Variants in VCAN observed in about 807,000 individuals in gnomAD.
VCAN encodes versican.
Under a neutral mutation model 245.5 loss-of-function variants are expected in VCAN, and 44 were observed. That is an observed-to-expected ratio of 0.18 (90% CI 0.14 to 0.23). VCAN has a LOEUF of 0.23. VCAN is among the 10% of genes least tolerant of loss of function. The probability of loss-of-function intolerance (pLI) is 1.00; values close to 1 mark genes in which losing one functional copy is unlikely to be tolerated. For synonymous variants in VCAN, 1,413 were observed against 1,437.0 expected, an observed-to-expected ratio of 0.98 and a Z score of 0.38; for missense variants, 3,793 against 4,057.9, an observed-to-expected ratio of 0.93 and a Z score of 1.77.
intron 9 of VCAN, 22 bp downstream of exon 9, chr5:83,545,672 A>G: frequency 1.3e-6 from 2 of 1,566,610 alleles, no homozygotes; most frequent in South Asian, 2.2e-5. Context: ...CTTGGCTGAA[A>G]AGGTGCAGTT....
intron 12 of VCAN, among the ~76,000 whole-genome samples, chr5:83,557,958 C>A (rs1162760096): frequency 6.6e-6 from 1 of 152,106 alleles, no homozygotes; most frequent in African/African-American, 2.4e-5. Context: ...CTGACAGACC[C>A]TCGGTTTCTT....
chr5:83,572,686 C>T (rs929087325), intron 13 of VCAN, 126 bp downstream of exon 13: 8 of 1,237,382 alleles, frequency 6.5e-6, no homozygotes, highest in East Asian at 2.5e-5. Flanking sequence ...TGTCATCTCT[C>T]GTTGCTCTGG....
chr5:83,516,176 CGGGA>C (rs1304350243), intron 6 of VCAN, among the ~76,000 whole-genome samples: 12 of 152,000 alleles, frequency 7.9e-5, no homozygotes, highest in African/African-American at 2.7e-4. Flanking sequence ...TAGTCCCAGT[CGGGA>C]GGCTGAGGCA....
intron 6 of VCAN, among the ~76,000 whole-genome samples, chr5:83,516,095 G>A (rs1164115020): frequency 3.3e-5 from 5 of 152,124 alleles, no homozygotes; most frequent in African/African-American, 9.7e-5. Context: ...AGCCGGGCAT[G>A]GTGGCGGGCG....
chr5:83,549,976 C>T (rs1211149129), intron 10 of VCAN, among the ~76,000 whole-genome samples: 1 of 152,196 alleles, frequency 6.6e-6, no homozygotes, highest in Non-Finnish European at 1.5e-5. Context: ...GTTTTCTGTT[C>T]TCTGACTAGT....
intron 8 of VCAN, 31 bp from the exon 9 acceptor site, chr5:83,545,506 A>G: frequency 6.3e-7 from 1 of 1,583,960 alleles, no homozygotes; most frequent in South Asian, 1.1e-5. Context: ...GACGAGCCTA[A>G]CTGCTTTTCT....
At chr5:83,513,736 GTACATTCCTT>G (rs1561240027) in intron 6 of VCAN, among the ~76,000 whole-genome samples, 7 of 152,166 alleles carry the variant, frequency 4.6e-5, no homozygotes, top group Non-Finnish European at 8.8e-5. Context: ...GTAGACAGAT[GTACATTCCTT>G]TAAGCTACAT....
chr5:83,581,088 C>T lies in VCAN; in HGVS notation c.*654C>T, dbSNP rs188578068. 6.5e-6 allele frequency: 1 copy of T among 153,972 alleles called. No individual in the cohort carries two copies. Among genetic ancestry groups the T allele is most frequent in the East Asian group, 1.9e-4 (1 of 5,212 alleles). The allele number at this position is 153,972 out of a possible 1,614,324, so 9.5% of individuals were successfully genotyped here. A position where few individuals can be genotyped will look rare whatever the true frequency, so the allele number is the denominator to read the frequency against. On this transcript the variant is annotated 3_prime_UTR_variant, in exon 15 of 15. Coordinates refer to ENST00000265077, the MANE Select transcript of VCAN (RefSeq NM_004385.5). ...CTGATGGAACTAAGGACTCCAATGT[C>T]GAACTCTTCTTTGCTGCATTCCTTT...
Position 83,493,540 on chromosome 5 carries a change from T to C in VCAN, c.446-6T>C, listed in dbSNP as rs1249432383. 1 of 1,613,012 alleles carries C rather than the reference T, an allele frequency of 6.2e-7. No homozygotes were observed. Among genetic ancestry groups the C allele is most frequent in the Non-Finnish European group, 8.5e-7 (1 of 1,180,014 alleles). On this transcript the variant is annotated splice_region_variant and splice_polypyrimidine_tract_variant and intron_variant, in intron 3 of 14. Transcript: ENST00000265077. ...GGCTGGCAATTGTTTGCTGTTGTTT[T>C]TGCAGGGGTTGTGTTTCACTACAGG... is the stretch of plus-strand genomic sequence containing the variant.
intron 9 of VCAN, among the ~76,000 whole-genome samples, chr5:83,546,187 A>G (rs1365994320): frequency 1.3e-5 from 2 of 151,950 alleles, no homozygotes; most frequent in East Asian, 3.9e-4. Context: ...GGTTCCAAGG[A>G]ATATAATTGA....
At chr5:83,509,316 A>G (rs1407189156) in intron 5 of VCAN, among the ~76,000 whole-genome samples, 2 of 152,236 alleles carry the variant, frequency 1.3e-5, no homozygotes, top group African/African-American at 4.8e-5. Context: ...ATTAACTACT[A>G]CTAAGAGAAT....
At chr5:83,511,681 C>T (rs553933307) in intron 5 of VCAN, among the ~76,000 whole-genome samples, 2 of 151,482 alleles carry the variant, frequency 1.3e-5, no homozygotes, top group Non-Finnish European at 2.9e-5. Flanking sequence ...GTGGAATAAC[C>T]GTGGTGGCAG....
chr5:83,545,712 T>G, intron 9 of VCAN, 62 bp downstream of exon 9: 5 of 1,261,566 alleles, frequency 4.0e-6, no homozygotes, highest in Non-Finnish European at 5.8e-6. Flanking sequence ...GGGGGAGAAT[T>G]TATGTTGTCG....
intron 2 of VCAN, among the ~76,000 whole-genome samples, chr5:83,485,404 C>CA (rs35054904): frequency 0.013 from 1,322 of 104,310 alleles, 14 homozygotes; most frequent in Non-Finnish European, 0.017. Flanking sequence ...AACTCCATGT[C>CA]AAAAAAAAAA....
chr5:83,544,071 T>C (rs1747105813), intron 8 of VCAN, among the ~76,000 whole-genome samples: 1 of 152,252 alleles, frequency 6.6e-6, no homozygotes, highest in Admixed American at 6.5e-5. Flanking sequence ...GTGTGGCACA[T>C]CACAGTCTGA....
chr5:83,478,888 A>G (rs1237535561), intron 1 of VCAN, among the ~76,000 whole-genome samples: 1 of 152,182 alleles, frequency 6.6e-6, no homozygotes, highest in Admixed American at 6.5e-5. Flanking sequence ...CAAAATGGTG[A>G]TATGTGCTAG....
intron 12 of VCAN, among the ~76,000 whole-genome samples, chr5:83,563,380 C>T (rs1747946958): frequency 6.6e-6 from 1 of 152,140 alleles, no homozygotes; most frequent in Non-Finnish European, 1.5e-5. Flanking sequence ...AGACTGCAAA[C>T]AAATGCCTAT....
chr5:83,520,764 C>T lies in VCAN; in HGVS notation c.2458C>T (p.Pro820Ser). Reference protein sequence around the residue: ...TTSKPLESTEPSASSKLPPAL... With the variant: ...TTSKPLESTESSASSKLPPAL... ...ATCCAAGCCTTTAGAGTCTACAGAA[C>T]CTTCAGCCTCTTCAAAATTGCCCCC... The change falls in exon 7 of 15, where the codon CCT becomes TCT. Residue 820 changes from proline to serine, a missense_variant. This residue lies in a region of VCAN where 3,182 missense variants were observed against 3,250.3 expected (regional missense o/e 0.98). Coordinates refer to ENST00000265077, the MANE Select transcript of VCAN (RefSeq NM_004385.5). 1 of 1,614,114 alleles carries T rather than the reference C, an allele frequency of 6.2e-7. No individual in the cohort carries two copies. Among genetic ancestry groups the T allele is most frequent in the Middle Eastern group, 1.6e-4 (1 of 6,062 alleles).
intron 5 of VCAN, among the ~76,000 whole-genome samples, chr5:83,510,919 G>T (rs551351485): frequency 1.1e-3 from 175 of 152,264 alleles, no homozygotes; most frequent in African/African-American, 4.1e-3. Context: ...TTTGAGGCCA[G>T]CCTGGCCAAC....
Sources: allele counts gnomAD v4.1 joint callset (sites outside exome capture counted in the v4.1 genomes callset), GRCh38; gene constraint gnomAD v4.1.1; regional missense constraint gnomAD v4.1.1; transcripts MANE v1.5; gene names NCBI Gene and HGNC (gene_info 2026-07-23, HGNC 2026-07-21).